Variants in TRIM14 observed in about 807,000 individuals in gnomAD.
The protein encoded by TRIM14 is tripartite motif-containing protein 14.
A neutral mutation model predicts 44.5 loss-of-function variants in TRIM14; 28 were observed. The observed-to-expected ratio is 0.63, with a 90% CI of 0.47 to 0.86. The LOEUF (loss-of-function observed/expected upper bound fraction) is 0.86, where lower values mean the gene tolerates loss of function less well. TRIM14 is among the 40% of genes least tolerant of loss of function. The pLI is 0.00. For synonymous variants in TRIM14, 299 were observed against 269.2 expected (o/e 1.11, Z -1.08); for missense variants, 607 against 611.1 (o/e 0.99, Z 0.07).
intron 3 of TRIM14, 85 bp downstream of exon 3, chr9:98,099,846 G>T: frequency 8.1e-7 from 1 of 1,229,538 alleles, no homozygotes; most frequent in Non-Finnish European, 1.2e-6. Flanking sequence ...TGCTTAGTGT[G>T]TCAATACTGT....
At chr9:98,050,720 T>A in the TRIM14 span, among the ~76,000 whole-genome samples, 2 of 152,108 alleles carry the variant, frequency 1.3e-5, no homozygotes, top group Admixed American at 1.3e-4. Context: ...TCAGTTACCA[T>A]CATTTTGGGT....
the TRIM14 span, among the ~76,000 whole-genome samples, chr9:98,052,122 TA>T: frequency 5.3e-5 from 8 of 152,306 alleles, no homozygotes; most frequent in African/African-American, 1.7e-4. Context: ...TAATGTAATG[TA>T]AAACAGAACA....
rs1203391578 is a variant in TRIM14 at position 98,109,916 on chromosome 9, C to T, written c.276G>A (p.Gln92=). Residue 92 remains glutamine (Q), a synonymous_variant, in exon 2 of 6, where the codon CAG becomes CAA. Transcript: ENST00000341469. The part of the protein sequence containing the change: ...KKQQHIDNIT[Q]IEDATEKLKA... The stretch of plus-strand genomic sequence containing the variant: ...TGAGCTTCTCGGTGGCATCTTCTAT[C>T]TGGGTTATGTTGTCAATGTGCTGCT... 1 of 1,612,290 alleles carries T rather than the reference C, an allele frequency of 6.2e-7. No individual in the cohort carries two copies. Among genetic ancestry groups the T allele is most frequent in the Non-Finnish European group, 8.5e-7 (1 of 1,179,436 alleles).
At chr9:98,066,682 G>A (rs1003534226), downstream of TRIM14, among the ~76,000 whole-genome samples, 32 of 148,466 alleles carry the variant, frequency 2.2e-4, no homozygotes, top group African/African-American at 7.3e-4. Context: ...ACAGAGTCTC[G>A]CTCTATTGCC....
chr9:98,082,221 A>G (rs1315125045), downstream of TRIM14: 1 of 152,224 alleles, frequency 6.6e-6, no homozygotes. Context: ...TCTGCATAAC[A>G]GCCACATTCA....
chr9:98,053,064 T>C, the TRIM14 span, among the ~76,000 whole-genome samples: 1 of 152,064 alleles, frequency 6.6e-6, no homozygotes, highest in Non-Finnish European at 1.5e-5. Context: ...AAAGAATCAA[T>C]AAATGGCAAA....
the TRIM14 span, among the ~76,000 whole-genome samples, chr9:98,046,590 C>T: frequency 2.0e-5 from 3 of 151,812 alleles, no homozygotes; most frequent in South Asian, 2.1e-4. Context: ...TACAGGCATG[C>T]GCCACCACAC....
intron 6 of TRIM14, chr9:98,075,631 G>C (rs565671722): frequency 1.3e-5 from 2 of 152,278 alleles, no homozygotes; most frequent in South Asian, 4.1e-4. Context: ...AACTCACTAA[G>C]CCCTAACTTA....
At chr9:98,065,308 CTTTTTTTTTT>C (rs758040892), downstream of TRIM14, among the ~76,000 whole-genome samples, 26 of 92,764 alleles carry the variant, frequency 2.8e-4, no homozygotes, top group South Asian at 4.5e-4. Flanking sequence ...ACTCCTGGTG[CTTTTTTTTTT>C]TTTTTTTTTT....
At chr9:98,100,202 C>T in intron 2 of TRIM14, 38 bp from the exon 3 acceptor site, 2 of 1,565,876 alleles carry the variant, frequency 1.3e-6, no homozygotes, top group Non-Finnish European at 1.8e-6. Context: ...GACATGTCTG[C>T]CAACCAGGAA....
At chr9:98,041,234 T>C in the TRIM14 span, among the ~76,000 whole-genome samples, 1 of 152,106 alleles carries the variant, frequency 6.6e-6, no homozygotes, top group Non-Finnish European at 1.5e-5. Context: ...AACCCACAAA[T>C]AATTTAGGAT....
chr9:98,064,559 T>C (rs923797259), downstream of TRIM14, among the ~76,000 whole-genome samples: 1 of 152,132 alleles, frequency 6.6e-6, no homozygotes, highest in Non-Finnish European at 1.5e-5. Flanking sequence ...CCCGCCCTAA[T>C]TCCCTACTTT....
At chr9:98,105,593 C>A (rs1323521) in intron 2 of TRIM14, among the ~76,000 whole-genome samples, 8,553 of 152,166 alleles carry the variant, frequency 0.056, 377 homozygotes, top group Admixed American at 0.12. Context: ...AACAAACAAA[C>A]AAACAAAAAA....
Position 98,086,920 on chromosome 9 carries a change from A to T in TRIM14, c.*550T>A, listed in dbSNP as rs539815647. On this transcript the variant is annotated 3_prime_UTR_variant, in exon 6 of 6. Coordinates refer to ENST00000341469, the MANE Select transcript of TRIM14 (RefSeq NM_014788.4). ...TCTAGTTTTAGGGTGGAAGATGAGGACTGGGAGAGGGTTCAGACCAGGAAC... is the reference window on the plus strand; with the variant it reads ...TCTAGTTTTAGGGTGGAAGATGAGGTCTGGGAGAGGGTTCAGACCAGGAAC... 8.0e-4 allele frequency: 133 copies of T among 166,690 alleles called. 2 individuals are homozygous for T. Among genetic ancestry groups the T allele is most frequent in the Middle Eastern group, 2.8e-3 (1 of 358 alleles). 10.3% of individuals were successfully genotyped at this position (166,690 alleles called of 1,614,324 possible). A position where few individuals can be genotyped will look rare whatever the true frequency, so the allele number is the denominator to read the frequency against.
the TRIM14 span, among the ~76,000 whole-genome samples, chr9:98,039,871 C>T: frequency 6.6e-6 from 1 of 152,108 alleles, no homozygotes; most frequent in African/African-American, 2.4e-5. Context: ...CTCCAGCCTC[C>T]CGCACAGCCG....
At position 98,108,760 on chromosome 9, in the gene TRIM14, G is replaced by A. The variant is rs1005319512; in HGVS notation, c.303+1129C>T. 2.0e-5 allele frequency among the ~76,000 whole-genome samples: 3 copies of A among 152,002 alleles called. No individual in the cohort carries two copies. In the East Asian group the frequency reaches 5.8e-4, roughly 30 times the overall value. ...TCATGAAGACAACTGACAGAGAATGGACTTTAGGCAAATGTGGGAGCCAAT... is the reference window on the plus strand; with the variant it reads ...TCATGAAGACAACTGACAGAGAATGAACTTTAGGCAAATGTGGGAGCCAAT... On this transcript the variant is annotated intron_variant, in intron 2 of 5. Coordinates refer to ENST00000341469, the MANE Select transcript of TRIM14 (RefSeq NM_014788.4).
At chr9:98,111,060 A>G (rs976044489) in intron 1 of TRIM14, among the ~76,000 whole-genome samples, 7 of 151,074 alleles carry the variant, frequency 4.6e-5, no homozygotes, top group Non-Finnish European at 8.9e-5. Context: ...CCCCCCCCCA[A>G]AAAAAAACAA....
In TRIM14 at chr9:98,087,923, G is replaced by C. The variant is rs762481402; in HGVS notation, c.876C>G (p.Gly292=). The C allele has an allele frequency of 8.9e-6, 14 of 1,566,154 alleles. No homozygotes were observed. Among genetic ancestry groups the C allele is most frequent in the Non-Finnish European group, 1.2e-5 (14 of 1,166,398 alleles). ...LSADRLTVRC[G]LLGSLGPVPV... ...GCACGGGCCCCAGGCTGCCCAGCAG[G>C]CCGCAGCGCACCGTCAGGCGATCGG... The change falls in exon 6 of 6, where the codon GGC becomes GGG. Residue 292 remains glycine, a synonymous_variant. Coordinates refer to ENST00000341469, the MANE Select transcript of TRIM14 (RefSeq NM_014788.4).
intron 5 of TRIM14, among the ~76,000 whole-genome samples, chr9:98,090,861 G>C: frequency 6.6e-6 from 1 of 152,164 alleles, no homozygotes. Context: ...ACCGTGCTCG[G>C]CCTTTAAATC....
Sources: gnomAD v4.1 joint callset for allele counts (sites outside exome capture counted in the v4.1 genomes callset) on GRCh38, gnomAD v4.1.1 for gene constraint, MANE v1.5 for transcripts, NCBI Gene and HGNC (gene_info 2026-07-23, HGNC 2026-07-21) for gene names.